POU4F2: variants seen among roughly 807,000 people sequenced by gnomAD.
POU4F2 encodes the protein POU class 4 homeobox 2.
Under a neutral mutation model 21.5 loss-of-function variants are expected in POU4F2, and 10 were observed. The ratio of observed to expected loss-of-function variants is 0.46; its 90% confidence interval spans 0.29 to 0.79. The LOEUF is 0.79. Among genes scored for constraint, POU4F2 ranks in the 30% least tolerant of loss-of-function variants. POU4F2 has a pLI of 0.10. For synonymous variants in POU4F2, 324 were observed against 271.1 expected (o/e 1.20, Z -1.92); for missense variants, 623 against 603.3 (o/e 1.03, Z -0.34).
In POU4F2 at chr4:146,641,175, C is replaced by T. The variant is rs1413435167; in HGVS notation, c.*367C>T. The T allele has an allele frequency of 1.7e-5, 3 of 179,596 alleles. No homozygotes were observed. The highest frequency in any genetic ancestry group is 3.4e-5 in the Non-Finnish European group (3 of 87,108). The allele number at this position is 179,596 out of a possible 1,614,324, so 11.1% of individuals were successfully genotyped here. A position where few individuals can be genotyped will look rare whatever the true frequency, so the allele number is the denominator to read the frequency against. On this transcript the variant is annotated 3_prime_UTR_variant, in exon 2 of 2. Transcript: ENST00000281321. ...TAAGATTTGTTTTTATTCTTACAGA[C>T]ATCACCCGTGTTCAAGTTTAAAAGT...
In POU4F2 at chr4:146,640,398, G is replaced by T; in HGVS notation, c.820G>T (p.Val274Leu). ...CAAGCAGCGACGCATCAAGCTGGGGGTGACCCAGGCAGATGTGGGCTCCGC... is the reference window on the plus strand; with the variant it reads ...CAAGCAGCGACGCATCAAGCTGGGGTTGACCCAGGCAGATGTGGGCTCCGC... ...RFKQRRIKLG[V>L]TQADVGSALA... The change falls in exon 2 of 2, where the codon GTG becomes TTG. Residue 274 changes from valine to leucine, a missense_variant. Coordinates refer to ENST00000281321, the MANE Select transcript of POU4F2 (RefSeq NM_004575.3). This position sits in a 1 kb window ranked among gnomAD's most constrained non-coding sequence, Gnocchi z 4.8. 1.9e-6 allele frequency: 3 copies of T among 1,609,176 alleles called. No individual in the cohort carries two copies. The highest frequency in any genetic ancestry group is 2.5e-6 in the Non-Finnish European group (3 of 1,179,074).
rs1246136843 is a variant in POU4F2, at chr4:146,640,955, C to A, written c.*147C>A. 7.4e-6 allele frequency: 6 copies of A among 806,836 alleles called. No homozygotes were observed. Among genetic ancestry groups the A allele is most frequent in the African/African-American group, 5.3e-5 (3 of 56,460 alleles). 50.0% of individuals were successfully genotyped at this position (806,836 alleles called of 1,614,324 possible). Reference sequence around the variant, plus strand: ...GAGGACTGAAGAGGGAGCGAACGAGCGAACAACTGAGCCCAAGCCGGTGAG... The same window carrying A: ...GAGGACTGAAGAGGGAGCGAACGAGAGAACAACTGAGCCCAAGCCGGTGAG... On this transcript the variant is annotated 3_prime_UTR_variant, in exon 2 of 2. Coordinates refer to ENST00000281321, the MANE Select transcript of POU4F2 (RefSeq NM_004575.3). This position sits in a 1 kb window ranked among gnomAD's most constrained non-coding sequence, Gnocchi z 4.8.
chr4:146,640,280 C>T lies in POU4F2; in HGVS notation c.702C>T (p.Ser234=). The part of the protein sequence containing the change: ...TMNPMHQAAL[S]MAHAHGLPSH... ...ACCCCATGCACCAAGCAGCGCTCAGCATGGCCCACGCGCACGGGCTGCCGT... is the reference window on the plus strand; with the variant it reads ...ACCCCATGCACCAAGCAGCGCTCAGTATGGCCCACGCGCACGGGCTGCCGT... Residue 234 remains serine, a synonymous_variant, in exon 2 of 2, where the codon AGC becomes AGT. Transcript: ENST00000281321. This position sits in a 1 kb window ranked among gnomAD's most constrained non-coding sequence, Gnocchi z 4.8. The T allele has an allele frequency of 6.4e-7, 1 of 1,567,044 alleles. No homozygotes were observed. Among genetic ancestry groups the T allele is most frequent in the Non-Finnish European group, 8.6e-7 (1 of 1,160,262 alleles).
chr4:146,640,967 C>T lies in POU4F2; in HGVS notation c.*159C>T. 2 of 696,572 alleles carry T rather than the reference C, an allele frequency of 2.9e-6. No homozygotes were observed. The highest frequency in any genetic ancestry group is 4.4e-6 in the Non-Finnish European group (2 of 451,880). The allele number at this position is 696,572 out of a possible 1,614,324, so 43.1% of individuals were successfully genotyped here. A position where few individuals can be genotyped will look rare whatever the true frequency, so the allele number is the denominator to read the frequency against. ...GGGAGCGAACGAGCGAACAACTGAG[C>T]CCAAGCCGGTGAGAATGTGAAACAG... On this transcript the variant is annotated 3_prime_UTR_variant, in exon 2 of 2. Coordinates refer to ENST00000281321, the MANE Select transcript of POU4F2 (RefSeq NM_004575.3). This position sits in a 1 kb window ranked among gnomAD's most constrained non-coding sequence, Gnocchi z 4.8.
chr4:146,639,521 C>A (rs1740828134), intron 1 of POU4F2, 93 bp downstream of exon 1: 13 of 1,422,304 alleles, frequency 9.1e-6, no homozygotes, highest in Non-Finnish European at 1.2e-5. Context: ...CAGCAAATCA[C>A]CCCACACCTC....
intron 1 of POU4F2, 95 bp downstream of exon 1, chr4:146,639,523 C>A: frequency 7.0e-7 from 1 of 1,423,288 alleles, no homozygotes; most frequent in Non-Finnish European, 9.2e-7. Flanking sequence ...GCAAATCACC[C>A]CACACCTCCA....
In POU4F2 at chr4:146,641,027, T is replaced by C; in HGVS notation, c.*219T>C. 1.9e-6 allele frequency: 1 copy of C among 521,860 alleles called. No individual in the cohort carries two copies. Among genetic ancestry groups the C allele is most frequent in the Non-Finnish European group, 3.2e-6 (1 of 313,128 alleles). The allele number at this position is 521,860 out of a possible 1,614,324, so 32.3% of individuals were successfully genotyped here. On this transcript the variant is annotated 3_prime_UTR_variant, in exon 2 of 2. Transcript: ENST00000281321. ...GGAAAGAATAACAAAAGATGGTATTTGTCTGTTGTAGCAAAGTTGTCCCTT... is the reference window on the plus strand; with the variant it reads ...GGAAAGAATAACAAAAGATGGTATTCGTCTGTTGTAGCAAAGTTGTCCCTT...
rs1740817727 is a variant in POU4F2 at position 146,639,237 on chromosome 4, T to TCGCCGGGCTCCTCGGCTCC, written c.99_117dup (p.Ile40AlafsTer72). ...CAAGTACTCGGCACTGCACAGCACC[T>TCGCCGGGCTCCTCGGCTCC]CGCCGGGCTCCTCGGCTCCCATCGC... On this transcript the variant is annotated frameshift_variant, in exon 1 of 2. Transcript: ENST00000281321. LOFTEE classifies it high-confidence loss of function. The TCGCCGGGCTCCTCGGCTCC allele has an allele frequency of 6.3e-7, 1 of 1,590,410 alleles. No homozygotes were observed. Among genetic ancestry groups the TCGCCGGGCTCCTCGGCTCC allele is most frequent in the African/African-American group, 1.4e-5 (1 of 72,034 alleles).
Position 146,640,402 on chromosome 4 carries a change from C to T in POU4F2, c.824C>T (p.Thr275Ile), listed in dbSNP as rs1740859135. Residue 275 changes from threonine (T) to isoleucine (I), a missense_variant, in exon 2 of 2, where the codon ACC (threonine) becomes ATC (isoleucine). Thr to Ile is a moderately conservative substitution (Grantham distance 89). Around this residue, in one of 3 missense-constraint regions of POU4F2, gnomAD observed 523 missense variants for 504.1 expected, o/e 1.04. Coordinates refer to ENST00000281321, the MANE Select transcript of POU4F2 (RefSeq NM_004575.3). This position sits in a 1 kb window ranked among gnomAD's most constrained non-coding sequence, Gnocchi z 4.8. ...FKQRRIKLGV[T>I]QADVGSALAN... ...CAGCGACGCATCAAGCTGGGGGTGA[C>T]CCAGGCAGATGTGGGCTCCGCGCTG... 1.2e-6 allele frequency: 2 copies of T among 1,609,580 alleles called. No homozygotes were observed. The highest frequency in any genetic ancestry group is 1.7e-5 in the Admixed American group (1 of 59,948).
Position 146,640,445 on chromosome 4 carries a change from C to CGGCGTG in POU4F2, c.871_876dup (p.Val291_Gly292dup). 1 of 1,613,532 alleles carries CGGCGTG rather than the reference C, an allele frequency of 6.2e-7. No individual in the cohort carries two copies. Among genetic ancestry groups the CGGCGTG allele is most frequent in the Non-Finnish European group, 8.5e-7 (1 of 1,179,992 alleles). Reference sequence around the variant, plus strand: ...CCGCGCTGGCCAACCTCAAGATCCCCGGCGTGGGCTCGCTTAGCCAGAGCA... The same window carrying CGGCGTG: ...CCGCGCTGGCCAACCTCAAGATCCCCGGCGTGGGCGTGGGCTCGCTTAGCCAGAGCA... On this transcript the variant is annotated inframe_insertion, in exon 2 of 2. Transcript: ENST00000281321. This position sits in a 1 kb window ranked among gnomAD's most constrained non-coding sequence, Gnocchi z 4.8.
rs1488417367 is a variant in POU4F2, at chr4:146,640,232, C to A, written c.654C>A (p.His218Gln). The A allele has an allele frequency of 1.3e-6, 2 of 1,579,198 alleles. No homozygotes were observed. The highest frequency in any genetic ancestry group is 1.7e-6 in the Non-Finnish European group (2 of 1,168,538). ...GCGCTGTGGTGTCCACGCCGGCTCA[C>A]GCGCCGCACATGGCCACCATGAACC... The part of the protein sequence containing the change: ...PDGAVVSTPA[H>Q]APHMATMNPM... Residue 218 changes from histidine (H) to glutamine (Q), a missense_variant, in exon 2 of 2, where the codon CAC becomes CAA. By Grantham distance (24) the His-to-Gln change is conservative. Around this residue, in one of 3 missense-constraint regions of POU4F2, gnomAD observed 523 missense variants for 504.1 expected, o/e 1.04. Transcript: ENST00000281321. This position sits in a 1 kb window ranked among gnomAD's most constrained non-coding sequence, Gnocchi z 4.8.
chr4:146,642,277 T>C lies in POU4F2; in HGVS notation c.*1469T>C, dbSNP rs1265852100. The C allele has an allele frequency of 6.6e-6, 1 of 152,286 alleles. No individual in the cohort carries two copies. Among genetic ancestry groups the C allele is most frequent in the African/African-American group, 2.4e-5 (1 of 41,474 alleles). The allele number at this position is 152,286 out of a possible 1,614,324, so 9.4% of individuals were successfully genotyped here. On this transcript the variant is annotated 3_prime_UTR_variant, in exon 2 of 2. Coordinates refer to ENST00000281321, the MANE Select transcript of POU4F2 (RefSeq NM_004575.3). ...GCTGTATTGCTGTTCTCTTTGAGGC[T>C]CTCCAAAGTCTTGAGTTCTGTATAT... is the stretch of plus-strand genomic sequence containing the variant.
rs750729905 is a variant in POU4F2, at chr4:146,640,732, A to G, written c.1154A>G (p.Lys385Arg). The G allele has an allele frequency of 6.2e-7, 1 of 1,614,060 alleles. No homozygotes were observed. The highest frequency in any genetic ancestry group is 2.2e-5 in the East Asian group (1 of 44,882). ...GCCATCGCGGAGAAGCTGGACCTGA[A>G]GAAAAACGTGGTGCGCGTCTGGTTC... ...IAAIAEKLDLKKNVVRVWFCN... is the reference protein window; with the variant it reads ...IAAIAEKLDLRKNVVRVWFCN... The change falls in exon 2 of 2, where the codon AAG becomes AGG. Residue 385 changes from lysine to arginine, a missense_variant. Physicochemically the swap from Lys to Arg is conservative, Grantham distance 26. Transcript: ENST00000281321. This position sits in a 1 kb window ranked among gnomAD's most constrained non-coding sequence, Gnocchi z 4.8.
At position 146,640,452 on chromosome 4, in the gene POU4F2, G is replaced by A. The variant is rs372535541; in HGVS notation, c.874G>A (p.Gly292Ser). The A allele has an allele frequency of 6.2e-7, 1 of 1,613,770 alleles. No homozygotes were observed. Among genetic ancestry groups the A allele is most frequent in the Non-Finnish European group, 8.5e-7 (1 of 1,180,020 alleles). Residue 292 changes from glycine (G) to serine (S), a missense_variant, in exon 2 of 2, where the codon GGC becomes AGC. Gly to Ser is a moderately conservative substitution (Grantham distance 56, BLOSUM62 0). This residue lies in a region of POU4F2 where 523 missense variants were observed against 504.1 expected (regional missense o/e 1.04). Coordinates refer to ENST00000281321, the MANE Select transcript of POU4F2 (RefSeq NM_004575.3). This position sits in a 1 kb window ranked among gnomAD's most constrained non-coding sequence, Gnocchi z 4.8. ...GGCCAACCTCAAGATCCCCGGCGTGGGCTCGCTTAGCCAGAGCACCATCTG... is the reference window on the plus strand; with the variant it reads ...GGCCAACCTCAAGATCCCCGGCGTGAGCTCGCTTAGCCAGAGCACCATCTG... Reference protein sequence around the residue: ...ALANLKIPGVGSLSQSTICRF... With the variant: ...ALANLKIPGVSSLSQSTICRF...
At position 146,639,967 on chromosome 4, in the gene POU4F2, C is replaced by T. The variant is rs764924258; in HGVS notation, c.389C>T (p.Pro130Leu). 3.1e-6 allele frequency: 5 copies of T among 1,612,082 alleles called. No individual in the cohort carries two copies. The highest frequency in any genetic ancestry group is 2.2e-5 in the East Asian group (1 of 44,848). The part of the protein sequence containing the change: ...VSQSKSHHHH[P>L]PHHSPFKPDA... ...CAGAGCAAGAGCCACCACCACCATC[C>T]ACCCCACCACAGCCCCTTCAAACCG... The change falls in exon 2 of 2, where the codon CCA (proline) becomes CTA (leucine). Residue 130 changes from proline (P) to leucine (L), a missense_variant. Transcript: ENST00000281321.
Position 146,639,552 on chromosome 4 carries a change from C to G in POU4F2, c.288+124C>G, listed in dbSNP as rs897795090. 49 of 1,349,550 alleles carry G rather than the reference C, an allele frequency of 3.6e-5. No homozygotes were observed. In the African/African-American group the frequency reaches 7.5e-4, roughly 21 times the overall value. The allele number at this position is 1,349,550 out of a possible 1,614,324, so 83.6% of individuals were successfully genotyped here. A position where few individuals can be genotyped will look rare whatever the true frequency, so the allele number is the denominator to read the frequency against. On this transcript the variant is annotated intron_variant, in intron 1 of 1. Transcript: ENST00000281321. The stretch of plus-strand genomic sequence containing the variant: ...ACCTCCAACCAATTTTCCCCTCTCT[C>G]TCTCTTAAGTATTCAGCAGGTCTTG...
In POU4F2 at chr4:146,640,018, C is replaced by T. The variant is rs778143343; in HGVS notation, c.440C>T (p.Thr147Ile). The T allele has an allele frequency of 6.2e-7, 1 of 1,611,790 alleles. No individual in the cohort carries two copies. Among genetic ancestry groups the T allele is most frequent in the Non-Finnish European group, 8.5e-7 (1 of 1,179,832 alleles). Reference protein sequence around the residue: ...KPDATYHTMNTIPCTSAASSS... With the variant: ...KPDATYHTMNIIPCTSAASSS... Reference sequence around the variant, plus strand: ...GACGCCACCTACCACACTATGAATACCATCCCGTGCACGTCGGCCGCCTCT... The same window carrying T: ...GACGCCACCTACCACACTATGAATATCATCCCGTGCACGTCGGCCGCCTCT... Residue 147 changes from threonine (T) to isoleucine (I), a missense_variant, in exon 2 of 2, where the codon ACC (threonine) becomes ATC (isoleucine). Thr to Ile is a moderately conservative substitution (Grantham distance 89). Coordinates refer to ENST00000281321, the MANE Select transcript of POU4F2 (RefSeq NM_004575.3). This position sits in a 1 kb window ranked among gnomAD's most constrained non-coding sequence, Gnocchi z 4.8.
rs1437669240 is a variant in POU4F2, at chr4:146,640,052, G to C, written c.474G>C (p.Ser158=). 1.2e-6 allele frequency: 2 copies of C among 1,608,712 alleles called. No homozygotes were observed. The highest frequency in any genetic ancestry group is 1.7e-5 in the Admixed American group (1 of 59,974). Residue 158 remains serine (S), a synonymous_variant, in exon 2 of 2, where the codon TCG becomes TCC. Transcript: ENST00000281321. The surrounding 1 kb of genome is among the most constrained non-coding windows in gnomAD (Gnocchi z 4.8). ...IPCTSAASSS[S]VPISHPSALA... ...GCACGTCGGCCGCCTCTTCTTCATC[G>C]GTGCCCATCTCGCACCCTTCCGCGT...
chr4:146,639,091 G>A lies in POU4F2; in HGVS notation c.-50G>A. The stretch of plus-strand genomic sequence containing the variant: ...CGGCACTTCTCGGAGGGTCCCGGCA[G>A]CCGGGACCAGTGAGTGCCTCTACGG... On this transcript the variant is annotated 5_prime_UTR_variant, in exon 1 of 2. Coordinates refer to ENST00000281321, the MANE Select transcript of POU4F2 (RefSeq NM_004575.3). The A allele has an allele frequency of 6.3e-7, 1 of 1,581,828 alleles. No homozygotes were observed. Among genetic ancestry groups the A allele is most frequent in the South Asian group, 1.2e-5 (1 of 86,556 alleles).
Sources: allele counts gnomAD v4.1 joint callset, GRCh38; gene constraint gnomAD v4.1.1; regional missense constraint gnomAD v4.1.1; non-coding constraint Gnocchi (gnomAD v3.1); transcripts MANE v1.5; gene names NCBI Gene and HGNC (gene_info 2026-07-23, HGNC 2026-07-21).